LIFR: variants seen among roughly 807,000 people sequenced by gnomAD.
LIFR encodes the protein LIF receptor subunit alpha, also known as leukemia inhibitory factor receptor.
Under a neutral mutation model 122.2 loss-of-function variants are expected in LIFR, and 84 were observed. The ratio of observed to expected loss-of-function variants is 0.69; its 90% CI spans 0.58 to 0.82. The LOEUF (loss-of-function observed/expected upper bound fraction) is 0.82, where lower values mean the gene tolerates loss of function less well. LIFR is among the 40% of genes least tolerant of loss of function. The probability of loss-of-function intolerance (pLI) is 0.00; values close to 1 mark genes in which losing one functional copy is unlikely to be tolerated. For synonymous variants in LIFR, 422 were observed against 434.7 expected (o/e 0.97, Z 0.36); for missense variants, 1,294 against 1,311.6 (o/e 0.99, Z 0.21).
intron 18 of LIFR, among the ~76,000 whole-genome samples, chr5:38,484,198 C>T (rs980587720): frequency 6.6e-6 from 1 of 152,242 alleles, no homozygotes; most frequent in Non-Finnish European, 1.5e-5. Context: ...TAGCCCCCTG[C>T]TGGTCTCCTC....
At position 38,523,872 on chromosome 5, in the gene LIFR, A is replaced by G. The variant is rs564580891; in HGVS notation, c.398-290T>C. Reference sequence around the variant, plus strand: ...ACTAATATTCTCTCAAATTTCTGAAAAAGGGGAACATATATATTATTTATT... The same window carrying G: ...ACTAATATTCTCTCAAATTTCTGAAGAAGGGGAACATATATATTATTTATT... On this transcript the variant is annotated intron_variant, in intron 4 of 19. Coordinates refer to ENST00000453190, the MANE Select transcript of LIFR (RefSeq NM_001127671.2). 6.6e-4 allele frequency among the ~76,000 whole-genome samples: 100 copies of G among 152,308 alleles called. 2 individuals carry two copies. In the South Asian group the frequency reaches 0.018, roughly 28 times the overall value.
At chr5:38,551,182 C>T (rs1748180521) in intron 1 of LIFR, among the ~76,000 whole-genome samples, 1 of 152,166 alleles carries the variant, frequency 6.6e-6, no homozygotes, top group Admixed American at 6.5e-5. Flanking sequence ...CCTCCTTCAC[C>T]TTTGTACTGC....
At chr5:38,516,130 A>G (rs986472376) in intron 5 of LIFR, among the ~76,000 whole-genome samples, 9 of 152,242 alleles carry the variant, frequency 5.9e-5, no homozygotes, top group African/African-American at 2.2e-4. Flanking sequence ...GTAAGGAATT[A>G]CTGCCTTGTC....
upstream of LIFR, among the ~76,000 whole-genome samples, chr5:38,595,748 T>TTTTC: frequency 6.8e-6 from 1 of 147,996 alleles, no homozygotes; most frequent in East Asian, 2.2e-4. Flanking sequence ...TTTTTTTTTT[T>TTTTC]TTGAAACAGA....
chr5:38,550,149 TA>T, intron 1 of LIFR: 2 of 485,928 alleles, frequency 4.1e-6, no homozygotes, highest in Non-Finnish European at 5.4e-6. Flanking sequence ...TGCCCTCCTG[TA>T]AAGTTATAAC....
At chr5:38,532,319 T>C (rs1747055346) in intron 1 of LIFR, among the ~76,000 whole-genome samples, 1 of 152,190 alleles carries the variant, frequency 6.6e-6, no homozygotes, top group African/African-American at 2.4e-5. Flanking sequence ...CCATTACTAA[T>C]TAGTGGTATG....
chr5:38,494,786 C>T (rs1024337593), intron 13 of LIFR, among the ~76,000 whole-genome samples: 1 of 152,230 alleles, frequency 6.6e-6, no homozygotes. Context: ...TGCAGGTGAG[C>T]GGCCCTTGAC....
intron 14 of LIFR, 65 bp downstream of exon 14, chr5:38,493,541 G>GTCT (rs1744710561): frequency 6.9e-7 from 1 of 1,448,686 alleles, no homozygotes; most frequent in African/African-American, 1.4e-5. Context: ...ACTGCACCCA[G>GTCT]TCTTACGTGT....
At chr5:38,581,231 A>G (rs1296108518) in intron 1 of LIFR, among the ~76,000 whole-genome samples, 1 of 152,124 alleles carries the variant, frequency 6.6e-6, no homozygotes, top group Non-Finnish European at 1.5e-5. Context: ...GAAAAAAAAA[A>G]ACTTATCAGG....
At chr5:38,580,975 A>G (rs1464047941) in intron 1 of LIFR, among the ~76,000 whole-genome samples, 3 of 152,174 alleles carry the variant, frequency 2.0e-5, no homozygotes, top group Non-Finnish European at 4.4e-5. Flanking sequence ...CTCTAATGCT[A>G]CAATGTCTTT....
chr5:38,484,131 T>G (rs1744145775), intron 18 of LIFR, among the ~76,000 whole-genome samples: 1 of 152,214 alleles, frequency 6.6e-6, no homozygotes, highest in Non-Finnish European at 1.5e-5. Context: ...TCCTTACCCT[T>G]TGGAACTGTA....
chr5:38,579,261 A>G (rs1403745306), intron 1 of LIFR: 2 of 152,170 alleles, frequency 1.3e-5, no homozygotes, highest in African/African-American at 2.4e-5. Flanking sequence ...GATAGAAGAA[A>G]CACACCTTAC....
chr5:38,530,225 A>C (rs1391867999), intron 2 of LIFR, among the ~76,000 whole-genome samples: 1 of 152,218 alleles, frequency 6.6e-6, no homozygotes, highest in Non-Finnish European at 1.5e-5. Flanking sequence ...TGGTGGTTAC[A>C]TAACTACATT....
intron 2 of LIFR, among the ~76,000 whole-genome samples, chr5:38,602,671 C>A (rs1750244059): frequency 6.6e-6 from 1 of 152,188 alleles, no homozygotes; most frequent in African/African-American, 2.4e-5. Flanking sequence ...GCAGCTAGCA[C>A]AATGCTTCTA....
At position 38,478,382 on chromosome 5, in the gene LIFR, C is replaced by T. The variant is rs1743821877; in HGVS notation, c.*3213G>A. ...TCTTAAGCTTCTCAGTGAATGGCTG[C>T]TTCTGTTTCTAAGCTGCAGGAACAA... On this transcript the variant is annotated 3_prime_UTR_variant, in exon 20 of 20. Transcript: ENST00000453190. The T allele has an allele frequency of 4.8e-6, 1 of 207,612 alleles. No individual in the cohort carries two copies. The highest frequency in any genetic ancestry group is 5.9e-5 in the Admixed American group (1 of 16,856). The allele number at this position is 207,612 out of a possible 1,614,324, so 12.9% of individuals were successfully genotyped here.
chr5:38,484,597 C>G (rs1744177834), intron 18 of LIFR, among the ~76,000 whole-genome samples, 178 bp downstream of exon 18: 1 of 152,124 alleles, frequency 6.6e-6, no homozygotes, highest in African/African-American at 2.4e-5. Flanking sequence ...CTATTAAGAC[C>G]TTTAAATAAT....
chr5:38,533,413 T>C (rs1281901440), intron 1 of LIFR, among the ~76,000 whole-genome samples: 1 of 152,204 alleles, frequency 6.6e-6, no homozygotes, highest in Non-Finnish European at 1.5e-5. Flanking sequence ...AACTTGAGCC[T>C]GGGGCCCCAC....
At chr5:38,539,670 GT>G (rs1025994662) in intron 1 of LIFR, among the ~76,000 whole-genome samples, 2 of 151,516 alleles carry the variant, frequency 1.3e-5, no homozygotes, top group Admixed American at 6.6e-5. Flanking sequence ...AGTTTTTTTG[GT>G]TTTTTGGGGG....
At chr5:38,484,545 AAATT>A (rs1434590033) in intron 18 of LIFR, among the ~76,000 whole-genome samples, 2 of 152,338 alleles carry the variant, frequency 1.3e-5, no homozygotes, top group African/African-American at 2.4e-5. Context: ...CTATGACTTT[AAATT>A]ATTAGGAAAA....
Sources: allele counts gnomAD v4.1 joint callset (sites outside exome capture counted in the v4.1 genomes callset), GRCh38; gene constraint gnomAD v4.1.1; transcripts MANE v1.5; gene names NCBI Gene and HGNC (gene_info 2026-07-23, HGNC 2026-07-21).